COL13A1: variants seen among roughly 807,000 people sequenced by gnomAD.
COL13A1 encodes collagen type XIII alpha 1 chain.
In COL13A1, 89 loss-of-function variants were observed where a neutral mutation model predicts 130.9. That is an observed-to-expected ratio of 0.68 (90% CI 0.57 to 0.81). The LOEUF (loss-of-function observed/expected upper bound fraction) is 0.81, where lower values mean the gene tolerates loss of function less well. Among genes scored for constraint, COL13A1 ranks in the 30% least tolerant of loss-of-function variants. COL13A1 has a pLI of 0.00. For missense variants in COL13A1, 879 were observed against 934.6 expected (o/e 0.94, Z 0.78); for synonymous variants, 402 against 341.6 (o/e 1.18, Z -1.95).
intron 1 of COL13A1, among the ~76,000 whole-genome samples, chr10:69,809,117 T>C (rs139633903): frequency 5.3e-5 from 8 of 152,246 alleles, no homozygotes; most frequent in Non-Finnish European, 1.0e-4. Flanking sequence ...GGCAAAATGG[T>C]GAAGCAGGCA....
chr10:69,803,594 G>T (rs544179135), intron 1 of COL13A1, among the ~76,000 whole-genome samples: 1 of 152,144 alleles, frequency 6.6e-6, no homozygotes, highest in Non-Finnish European at 1.5e-5. Flanking sequence ...GGTGGGGGCC[G>T]CAGCAGTCTG....
intron 7 of COL13A1, among the ~76,000 whole-genome samples, chr10:69,883,735 G>T (rs2060352836): frequency 6.6e-6 from 1 of 152,196 alleles, no homozygotes; most frequent in Non-Finnish European, 1.5e-5. Context: ...ATGGTCAGGG[G>T]TTGGGCTTTG....
intron 2 of COL13A1, among the ~76,000 whole-genome samples, chr10:69,863,801 G>A (rs1403723075): frequency 1.3e-5 from 2 of 152,296 alleles, no homozygotes; most frequent in Non-Finnish European, 2.9e-5. Context: ...CTTAAGCCAG[G>A]CATGGTGACT....
chr10:69,943,328 C>T (rs1014842674), intron 35 of COL13A1, among the ~76,000 whole-genome samples: 3 of 152,206 alleles, frequency 2.0e-5, no homozygotes, highest in Non-Finnish European at 4.4e-5. Context: ...AAGTCAACTC[C>T]TCCTGTCCTC....
chr10:69,813,777 G>A (rs1188307049), intron 1 of COL13A1, among the ~76,000 whole-genome samples: 2 of 152,200 alleles, frequency 1.3e-5, no homozygotes, highest in Non-Finnish European at 2.9e-5. Flanking sequence ...GTGGCTACGA[G>A]TGGGCCTGTC....
Position 69,828,582 on chromosome 10 carries a change from T to C in COL13A1, c.364+6144T>C, listed in dbSNP as rs1330864548. Among the ~76,000 whole-genome samples, 3 of 152,226 alleles carry C rather than the reference T, an allele frequency of 2.0e-5. No homozygotes were observed. The East Asian group carries it at 5.8e-4, about 29-fold the overall frequency. On this transcript the variant is annotated intron_variant, in intron 2 of 40. Coordinates refer to ENST00000645393, the MANE Select transcript of COL13A1 (RefSeq NM_001368882.1). Reference sequence around the variant, plus strand: ...TGCTCCCCTGCCAGAACTTACAGTGTCCCACTTGCACACAACTCATGCTAT... The same window carrying C: ...TGCTCCCCTGCCAGAACTTACAGTGCCCCACTTGCACACAACTCATGCTAT...
intron 1 of COL13A1, among the ~76,000 whole-genome samples, chr10:69,812,468 A>C (rs1268040734): frequency 6.6e-6 from 1 of 152,212 alleles, no homozygotes; most frequent in Non-Finnish European, 1.5e-5. Flanking sequence ...AAGTGCTTTG[A>C]GTAGTGACTG....
chr10:69,872,253 G>A (rs764806432), intron 4 of COL13A1, 43 bp downstream of exon 4: 51 of 1,611,812 alleles, frequency 3.2e-5, no homozygotes, highest in East Asian at 6.7e-5. Flanking sequence ...TCTCTTTTAC[G>A]TGCTTTTCTC....
chr10:69,952,920 G>A lies in COL13A1; in HGVS notation c.2097G>A (p.Gly699=). ...AGAAAGGCTCTAGAGGGCCTAAAGG[G>A]GATAAGGGAGACCAAGGAGCGCCTG... ...RGKKGSRGPK[G]DKGDQGAPGL... is the part of the protein sequence containing the mutation. The change falls in exon 39 of 41, where the codon GGG becomes GGA. Residue 699 remains glycine, a synonymous_variant. Transcript: ENST00000645393. 6.4e-7 allele frequency: 1 copy of A among 1,559,224 alleles called. No homozygotes were observed. The highest frequency in any genetic ancestry group is 1.2e-5 in the South Asian group (1 of 80,788).
intron 25 of COL13A1, 79 bp from the exon 26 acceptor site, chr10:69,925,725 G>A: frequency 3.8e-6 from 4 of 1,042,812 alleles, no homozygotes; most frequent in Non-Finnish European, 5.8e-6. Flanking sequence ...GCCAGTGTGG[G>A]CTGATAGAGA....
At chr10:69,850,283 A>G (rs1182370938) in intron 2 of COL13A1, among the ~76,000 whole-genome samples, 1 of 150,358 alleles carries the variant, frequency 6.7e-6, no homozygotes, top group Non-Finnish European at 1.5e-5. Flanking sequence ...GGCAAAAGGC[A>G]GATTCTGGAC....
chr10:69,839,690 A>G (rs1377276554), intron 2 of COL13A1, among the ~76,000 whole-genome samples: 1 of 152,266 alleles, frequency 6.6e-6, no homozygotes, highest in Non-Finnish European at 1.5e-5. Context: ...CATGCTGGTT[A>G]GCAGCAAAAG....
At chr10:69,948,505 A>C (rs1184533225) in intron 38 of COL13A1, among the ~76,000 whole-genome samples, 1 of 152,202 alleles carries the variant, frequency 6.6e-6, no homozygotes, top group Non-Finnish European at 1.5e-5. Context: ...AAACTGCCGG[A>C]ATAAACAGAC....
chr10:69,938,378 C>A (rs2067214662), intron 34 of COL13A1, among the ~76,000 whole-genome samples: 1 of 152,120 alleles, frequency 6.6e-6, no homozygotes, highest in South Asian at 2.1e-4. Flanking sequence ...CATCCCACCA[C>A]CCTCCCTGGA....
intron 2 of COL13A1, among the ~76,000 whole-genome samples, chr10:69,858,718 C>G (rs889646183): frequency 3.3e-5 from 5 of 152,194 alleles, no homozygotes; most frequent in African/African-American, 1.2e-4. Context: ...CTCAAAGGAA[C>G]TTGGAAGGGC....
chr10:69,933,410 G>T (rs553251068), intron 31 of COL13A1, among the ~76,000 whole-genome samples: 1 of 152,270 alleles, frequency 6.6e-6, no homozygotes, highest in African/African-American at 2.4e-5. Context: ...TGGAGGCAAG[G>T]TTTTCAAAAG....
intron 2 of COL13A1, among the ~76,000 whole-genome samples, chr10:69,828,915 G>A (rs771000090): frequency 6.6e-6 from 1 of 152,230 alleles, no homozygotes; most frequent in Non-Finnish European, 1.5e-5. Flanking sequence ...AGGTGCTTGA[G>A]AGCAGCATGT....
At chr10:69,895,887 C>T (rs748404616) in intron 13 of COL13A1, among the ~76,000 whole-genome samples, 24 of 152,182 alleles carry the variant, frequency 1.6e-4, no homozygotes, top group Admixed American at 1.4e-3. Flanking sequence ...GTGTCTGGAG[C>T]TCTGTGGCTG....
At position 69,942,230 on chromosome 10, in the gene COL13A1, C is replaced by A. The variant is rs538377528; in HGVS notation, c.1914+1207C>A. On this transcript the variant is annotated intron_variant, in intron 35 of 40. Transcript: ENST00000645393. ...CCCTCATAAATAGGAGATGACATGG[C>A]TTGCCCAAGATGACAGACTTCTTCA... Among the ~76,000 whole-genome samples the A allele has an allele frequency of 5.9e-5, 9 of 152,322 alleles. No homozygotes were observed. In the East Asian group the frequency reaches 1.7e-3, roughly 29 times the overall value.
Sources: allele counts gnomAD v4.1 joint callset (sites outside exome capture counted in the v4.1 genomes callset), GRCh38; gene constraint gnomAD v4.1.1; transcripts MANE v1.5; gene names NCBI Gene and HGNC (gene_info 2026-07-23, HGNC 2026-07-21).